CSRP3: variants seen among roughly 807,000 people sequenced by gnomAD.
CSRP3 encodes the protein cysteine and glycine rich protein 3.
CSRP3 carries 24 observed loss-of-function variants against 24.3 expected under a neutral mutation model. That is an observed-to-expected ratio of 0.99 (90% CI 0.71 to 1.39). The LOEUF (loss-of-function observed/expected upper bound fraction) is 1.39, where lower values mean the gene tolerates loss of function less well. Ranked by LOEUF, CSRP3 falls within the 40% of genes most tolerant of loss-of-function variation. The pLI is 0.00. For missense variants in CSRP3, 240 were observed against 249.0 expected (o/e 0.96, Z 0.24); for synonymous variants, 105 against 94.0 (o/e 1.12, Z -0.68).
At position 19,186,215 on chromosome 11, in the gene CSRP3, C is replaced by G; in HGVS notation, c.414+1G>C. On this transcript the variant is annotated splice_donor_variant, in intron 4 of 5. Transcript: ENST00000265968. LOFTEE classifies it high-confidence loss of function. The stretch of plus-strand genomic sequence containing the variant: ...TGTCTGGCTCATACAGAAGGTCTTA[C>G]CTTGCCACCTCCCATAACCTTCTCA... 4 of 1,614,184 alleles carry G rather than the reference C, an allele frequency of 2.5e-6. No individual in the cohort carries two copies. Among genetic ancestry groups the G allele is most frequent in the Non-Finnish European group, 3.4e-6 (4 of 1,180,034 alleles).
In CSRP3 at chr11:19,194,486, G is replaced by A. The variant is rs145788013; in HGVS notation, c.-28-2010C>T. Among the ~76,000 whole-genome samples the A allele has an allele frequency of 5.4e-3, 827 of 152,222 alleles. 10 individuals carry two copies. The highest frequency in any genetic ancestry group is 0.019 in the African/African-American group (794 of 41,540). On this transcript the variant is annotated intron_variant, in intron 1 of 5. Transcript: ENST00000265968. ...AGCCCAGGAGTTTGAGACCAGCCTG[G>A]GCAACATAGTGAGGCCCCTGTCTCT...
Position 19,192,411 on chromosome 11 carries a change from C to T in CSRP3, c.38G>A (p.Cys13Tyr), listed in dbSNP as rs182726860. 2 of 1,614,216 alleles carry T rather than the reference C, an allele frequency of 1.2e-6. No homozygotes were observed. Among genetic ancestry groups the T allele is most frequent in the East Asian group, 2.2e-5 (1 of 44,876 alleles). Residue 13 changes from cysteine (C) to tyrosine (Y), a missense_variant, in exon 2 of 6, where the codon TGT (cysteine) becomes TAT (tyrosine). Coordinates refer to ENST00000265968, the MANE Select transcript of CSRP3 (RefSeq NM_003476.5). ...NWGGGAKCGA[C>Y]EKTVYHAEEI... The stretch of plus-strand genomic sequence containing the variant: ...TTCTGCATGGTAGACGGTCTTTTCA[C>T]AGGCTCCACATTTTGCGCCTCCGCC...
At chr11:19,188,083 G>C in intron 3 of CSRP3, 53 bp downstream of exon 3, 1 of 1,605,936 alleles carries the variant, frequency 6.2e-7, no homozygotes, top group Non-Finnish European at 8.5e-7. Context: ...GAAATGAACT[G>C]TCCTGATAAT....
intron 1 of CSRP3, among the ~76,000 whole-genome samples, chr11:19,195,052 C>A (rs1850676119): frequency 6.6e-6 from 1 of 151,972 alleles, no homozygotes; most frequent in Non-Finnish European, 1.5e-5. Flanking sequence ...TGGCTCCCCA[C>A]ATTTAGTCTG....
At chr11:19,196,301 T>G (rs1850702607) in intron 1 of CSRP3, among the ~76,000 whole-genome samples, 1 of 152,104 alleles carries the variant, frequency 6.6e-6, no homozygotes, top group Admixed American at 6.6e-5. Context: ...GCATTCGGAA[T>G]CCAGAGACAT....
At chr11:19,198,527 T>G (rs1850780943) in intron 1 of CSRP3, among the ~76,000 whole-genome samples, 1 of 152,236 alleles carries the variant, frequency 6.6e-6, no homozygotes, top group Non-Finnish European at 1.5e-5. Flanking sequence ...TCAGCTGAGG[T>G]GGGGACGGAT....
chr11:19,195,956 G>A (rs1329246162), intron 1 of CSRP3, among the ~76,000 whole-genome samples: 1 of 152,274 alleles, frequency 6.6e-6, no homozygotes, highest in South Asian at 2.1e-4. Flanking sequence ...AGGCCAAAAG[G>A]TAGAGGATAT....
intron 3 of CSRP3, 149 bp from the exon 4 acceptor site, chr11:19,186,497 G>A (rs536749178): frequency 7.4e-5 from 79 of 1,065,434 alleles, no homozygotes; most frequent in African/African-American, 4.7e-4. Context: ...TTCTCATAGC[G>A]TTGTTGAGAG....
chr11:19,183,517 C>G (rs573708633), intron 5 of CSRP3, among the ~76,000 whole-genome samples: 5 of 152,308 alleles, frequency 3.3e-5, no homozygotes, highest in African/African-American at 1.2e-4. Flanking sequence ...GAAGCTTTCC[C>G]CATTACCCCA....
intron 1 of CSRP3, among the ~76,000 whole-genome samples, chr11:19,192,985 G>T (rs996166638): frequency 6.6e-6 from 1 of 152,090 alleles, no homozygotes; most frequent in African/African-American, 2.4e-5. Context: ...CAGACTCCAG[G>T]CAATATTGAT....
At chr11:19,197,501 C>CTTTT (rs1554968682) in intron 1 of CSRP3, among the ~76,000 whole-genome samples, 1 of 67,068 alleles carries the variant, frequency 1.5e-5, no homozygotes, top group Non-Finnish European at 3.1e-5. Context: ...CCCTCTTTTC[C>CTTTT]TCTTTCTTTC....
intron 2 of CSRP3, among the ~76,000 whole-genome samples, chr11:19,191,012 C>T (rs1850604598): frequency 6.6e-6 from 1 of 152,340 alleles, no homozygotes; most frequent in African/African-American, 2.4e-5. Context: ...TGTTCCCACG[C>T]AGTTACCAAA....
At chr11:19,193,704 G>A (rs941932769) in intron 1 of CSRP3, among the ~76,000 whole-genome samples, 1 of 152,170 alleles carries the variant, frequency 6.6e-6, no homozygotes, top group Non-Finnish European at 1.5e-5. Context: ...TGTAATCCCA[G>A]CTGCTTGAGA....
chr11:19,187,737 G>T (rs1329725355), intron 3 of CSRP3, among the ~76,000 whole-genome samples: 1 of 152,188 alleles, frequency 6.6e-6, no homozygotes, highest in African/African-American at 2.4e-5. Context: ...TCCAAGGGAA[G>T]AAATCTTTTC....
intron 2 of CSRP3, among the ~76,000 whole-genome samples, chr11:19,191,299 C>A (rs181920055): frequency 1.0e-3 from 158 of 152,296 alleles, no homozygotes; most frequent in African/African-American, 3.6e-3. Flanking sequence ...TGGACAAAAG[C>A]CCCAACAGAT....
At chr11:19,189,521 A>G (rs1328444820) in intron 2 of CSRP3, among the ~76,000 whole-genome samples, 1 of 152,248 alleles carries the variant, frequency 6.6e-6, no homozygotes, top group African/African-American at 2.4e-5. Context: ...AAACATTTCC[A>G]TCAAATGATC....
intron 2 of CSRP3, among the ~76,000 whole-genome samples, chr11:19,189,804 T>C (rs112706095): frequency 2.9e-4 from 44 of 152,302 alleles, no homozygotes; most frequent in African/African-American, 1.0e-3. Flanking sequence ...ATTGGAAGAA[T>C]GTCTTACAGC....
chr11:19,191,666 G>A (rs998236250), intron 2 of CSRP3, among the ~76,000 whole-genome samples: 17 of 152,176 alleles, frequency 1.1e-4, no homozygotes, highest in Admixed American at 6.5e-4. Flanking sequence ...CGAAAGTCAC[G>A]TGAGTCAGGC....
rs78062486 is a variant in CSRP3, at chr11:19,188,755, C to T, written c.113-451G>A. Among the ~76,000 whole-genome samples the T allele has an allele frequency of 9.5e-3, 1,444 of 152,106 alleles. 19 individuals are homozygous for T. Among genetic ancestry groups the T allele is most frequent in the African/African-American group, 0.033 (1,388 of 41,470 alleles). On this transcript the variant is annotated intron_variant, in intron 2 of 5. Coordinates refer to ENST00000265968, the MANE Select transcript of CSRP3 (RefSeq NM_003476.5). ...GATTGAGCACTTTCTGTACTTACCA[C>T]AGCCTTTGAAGGACACTGTGATATT... is the stretch of plus-strand genomic sequence containing the variant.
Sources: gnomAD v4.1 joint callset for allele counts (sites outside exome capture counted in the v4.1 genomes callset) on GRCh38, gnomAD v4.1.1 for gene constraint, MANE v1.5 for transcripts, NCBI Gene and HGNC (gene_info 2026-07-23, HGNC 2026-07-21) for gene names.